PAPOLG: variants seen among roughly 807,000 people sequenced by gnomAD.
PAPOLG encodes poly(A) polymerase gamma.
PAPOLG carries 40 observed loss-of-function variants against 99.0 expected under a neutral mutation model. The observed-to-expected ratio is 0.40, with a 90% CI of 0.31 to 0.53. The LOEUF is 0.53. Among genes scored for constraint, PAPOLG ranks in the 20% least tolerant of loss-of-function variants. PAPOLG has a pLI of 0.41. For missense variants in PAPOLG, 675 were observed against 884.1 expected (o/e 0.76, Z 3.00); for synonymous variants, 310 against 299.3 (o/e 1.04, Z -0.37).
intron 15 of PAPOLG, among the ~76,000 whole-genome samples, chr2:60,789,672 T>C (rs2103818325): frequency 6.6e-6 from 1 of 152,394 alleles, no homozygotes; most frequent in African/African-American, 2.4e-5. Flanking sequence ...GTATCTGTTA[T>C]AAATTTGGGG....
intron 8 of PAPOLG, among the ~76,000 whole-genome samples, chr2:60,775,711 T>C (rs11692493): frequency 0.25 from 37,652 of 152,034 alleles, 5,020 homozygotes; most frequent in Middle Eastern, 0.34. Context: ...ATTACAATTT[T>C]TTTTTTGTTT....
intron 7 of PAPOLG, among the ~76,000 whole-genome samples, chr2:60,773,986 C>T (rs1444490258): frequency 6.6e-6 from 1 of 152,136 alleles, no homozygotes; most frequent in Non-Finnish European, 1.5e-5. Context: ...GAGCTTACAA[C>T]TTACACAGTT....
chr2:60,778,202 A>G (rs1271533094), intron 8 of PAPOLG, among the ~76,000 whole-genome samples: 5 of 152,186 alleles, frequency 3.3e-5, no homozygotes, highest in African/African-American at 1.2e-4. Context: ...ACCGGAATGC[A>G]GTGGTGCAAT....
chr2:60,782,819 AG>A (rs766134543), intron 12 of PAPOLG, 49 bp downstream of exon 12: 1 of 1,516,042 alleles, frequency 6.6e-7, no homozygotes, highest in South Asian at 1.3e-5. Context: ...TTTTTTTTAA[AG>A]AAGAATGTTA....
intron 17 of PAPOLG, among the ~76,000 whole-genome samples, chr2:60,793,044 C>T (rs1003406850): frequency 6.6e-6 from 1 of 151,244 alleles, no homozygotes; most frequent in Non-Finnish European, 1.5e-5. Flanking sequence ...CTCAAAAAAA[C>T]AAAAACAAAA....
At chr2:60,792,621 A>G (rs1671574863) in intron 17 of PAPOLG, among the ~76,000 whole-genome samples, 1 of 152,184 alleles carries the variant, frequency 6.6e-6, no homozygotes, top group Non-Finnish European at 1.5e-5. Context: ...GTGGCCAGGC[A>G]CGGTGGCTCA....
Position 60,760,193 on chromosome 2 carries a change from G to C in PAPOLG, c.77G>C (p.Ser26Thr). The C allele has an allele frequency of 6.2e-7, 1 of 1,613,714 alleles. No homozygotes were observed. The highest frequency in any genetic ancestry group is 8.5e-7 in the Non-Finnish European group (1 of 1,179,660). ...QKHYGITSPI[S>T]LASPKEIDHI... ...CATTATGGAATTACCTCCCCAATTA[G>C]TTTGGCATCTCCTAAAGAAATTGAT... Residue 26 changes from serine to threonine, a missense_variant, in exon 2 of 22, where the codon AGT (serine) becomes ACT (threonine). Ser to Thr is a moderately conservative substitution (Grantham distance 58, BLOSUM62 1). This residue lies in a region of PAPOLG where 149 missense variants were observed against 192.1 expected (regional missense o/e 0.78). Coordinates refer to ENST00000238714, the MANE Select transcript of PAPOLG (RefSeq NM_022894.4).
chr2:60,786,535 A>T (rs989392333), intron 13 of PAPOLG, among the ~76,000 whole-genome samples: 6 of 127,176 alleles, frequency 4.7e-5, no homozygotes, highest in South Asian at 5.0e-4. Flanking sequence ...CTGGCCTGAA[A>T]TTTTTTTTTT....
chr2:60,784,839 A>T (rs1156285776), intron 13 of PAPOLG, among the ~76,000 whole-genome samples: 1 of 152,232 alleles, frequency 6.6e-6, no homozygotes, highest in African/African-American at 2.4e-5. Context: ...AAACCCTAAA[A>T]TTTACTATTT....
At chr2:60,787,174 A>G (rs1453016021) in intron 14 of PAPOLG, 108 bp downstream of exon 14, 3 of 971,540 alleles carry the variant, frequency 3.1e-6, no homozygotes, top group East Asian at 2.7e-5. Flanking sequence ...TGATGGGAGT[A>G]TGACACATTA....
At position 60,772,915 on chromosome 2, in the gene PAPOLG, TTTTTC is replaced by T. The variant is rs565256680; in HGVS notation, c.604+1305_604+1309del. ...CATACCATTATACACCTCACTGGTC[TTTTTC>T]TTTTCTTTTCTTTTCTTTTTTTTGA... On this transcript the variant is annotated intron_variant, in intron 7 of 21. Coordinates refer to ENST00000238714, the MANE Select transcript of PAPOLG (RefSeq NM_022894.4). Among the ~76,000 whole-genome samples the T allele has an allele frequency of 2.7e-3, 415 of 152,270 alleles. 1 individual carries two copies. The highest frequency in any genetic ancestry group is 4.4e-3 in the Non-Finnish European group (298 of 68,014).
chr2:60,776,353 C>G (rs931586109), intron 8 of PAPOLG, among the ~76,000 whole-genome samples: 7 of 148,260 alleles, frequency 4.7e-5, no homozygotes, highest in Non-Finnish European at 7.4e-5. Flanking sequence ...ACAGCACAGA[C>G]AGTAGAGTGA....
chr2:60,772,182 G>A (rs943008322), intron 7 of PAPOLG, among the ~76,000 whole-genome samples: 3 of 152,102 alleles, frequency 2.0e-5, no homozygotes, highest in African/African-American at 4.8e-5. Context: ...GGTGGCCCAC[G>A]CCTGTAATCC....
intron 8 of PAPOLG, 121 bp downstream of exon 8, chr2:60,775,244 C>G: frequency 8.7e-7 from 1 of 1,154,376 alleles, no homozygotes; most frequent in Non-Finnish European, 1.2e-6. Context: ...GGCCAATAAA[C>G]TCTGTAATAG....
In PAPOLG at chr2:60,787,616, T is replaced by C; in HGVS notation, c.1392T>C (p.Asp464=). ...CATATGATATACAGTCATTTACTGA[T>C]ACAGGTAAGACTCCATCATCATAGA... ...DLTYDIQSFT[D]TVYRQANNIN... is the part of the protein sequence containing the mutation. Residue 464 remains aspartate, a synonymous_variant, in exon 15 of 22, where the codon GAT becomes GAC. Coordinates refer to ENST00000238714, the MANE Select transcript of PAPOLG (RefSeq NM_022894.4). 1 of 1,613,210 alleles carries C rather than the reference T, an allele frequency of 6.2e-7. No individual in the cohort carries two copies. The highest frequency in any genetic ancestry group is 8.5e-7 in the Non-Finnish European group (1 of 1,179,534).
rs913090754 is a variant in PAPOLG at position 60,783,309 on chromosome 2, A to G, written c.1166+100A>G. 27 of 567,684 alleles carry G rather than the reference A, an allele frequency of 4.8e-5. No individual in the cohort carries two copies. The African/African-American group carries it at 4.8e-4, about 10-fold the overall frequency. 35.2% of individuals were successfully genotyped at this position (567,684 alleles called of 1,614,324 possible). On this transcript the variant is annotated intron_variant, in intron 13 of 21. Transcript: ENST00000238714. ...TAAAGTACTTTCTTGCTTGATTTTC[A>G]AAATTATTATATCTCTTTTTTTTTT...
intron 1 of PAPOLG, among the ~76,000 whole-genome samples, chr2:60,759,682 G>A (rs1429906964): frequency 6.6e-6 from 1 of 152,106 alleles, no homozygotes; most frequent in African/African-American, 2.4e-5. Context: ...CCTTCTAATG[G>A]GATGTTTTCA....
chr2:60,766,722 A>AAT (rs1670688248), intron 3 of PAPOLG, among the ~76,000 whole-genome samples: 1 of 151,700 alleles, frequency 6.6e-6, no homozygotes. Flanking sequence ...ATGCCCAGAA[A>AAT]GAATGGGCAA....
intron 21 of PAPOLG, among the ~76,000 whole-genome samples, chr2:60,796,150 A>C (rs978571517): frequency 1.1e-4 from 16 of 151,706 alleles, no homozygotes; most frequent in African/African-American, 3.9e-4. Flanking sequence ...GAGGAGAATT[A>C]AGCAGTCATC....
Sources: allele counts gnomAD v4.1 joint callset (sites outside exome capture counted in the v4.1 genomes callset), GRCh38; gene constraint gnomAD v4.1.1; regional missense constraint gnomAD v4.1.1; transcripts MANE v1.5; gene names NCBI Gene and HGNC (gene_info 2026-07-23, HGNC 2026-07-21).